The following KDM6A variants were observed in gnomAD, a reference collection of about 807,000 sequenced individuals.
KDM6A encodes lysine demethylase 6A.
A neutral mutation model predicts 117.6 loss-of-function variants in KDM6A; 11 were observed. The observed-to-expected ratio is 0.09, with a 90% CI of 0.06 to 0.15. The LOEUF (loss-of-function observed/expected upper bound fraction) is 0.15, where lower values mean the gene tolerates loss of function less well. KDM6A is among the 10% of genes least tolerant of loss of function. The pLI is 1.00. For missense variants in KDM6A, 799 were observed against 1,077.3 expected, an observed-to-expected ratio of 0.74 and a Z score of 3.62; for synonymous variants, 384 against 396.1, an observed-to-expected ratio of 0.97 and a Z score of 0.36.
chrX:44,913,087 C>T (rs2035311041), intron 2 of KDM6A, among the ~76,000 whole-genome samples: 2 of 111,704 alleles, frequency 1.8e-5, no homozygotes, highest in Non-Finnish European at 3.8e-5. Flanking sequence ...ACACATGCTA[C>T]CCCTGTAAAC....
At chrX:45,075,076 T>C (rs772750978) in intron 18 of KDM6A, among the ~76,000 whole-genome samples, 4 of 112,061 alleles carry the variant, frequency 3.6e-5, no homozygotes, top group African/African-American at 1.3e-4. Context: ...AACCATTTAC[T>C]CTACAGTAGT....
At chrX:45,045,210 T>C (rs1180022806) in intron 8 of KDM6A, among the ~76,000 whole-genome samples, 1 of 111,198 alleles carries the variant, frequency 9.0e-6, no homozygotes, top group African/African-American at 3.3e-5. Flanking sequence ...TAGGTAATAA[T>C]TCCCCATTAC....
chrX:45,042,118 G>A (rs1012577143), intron 8 of KDM6A, among the ~76,000 whole-genome samples: 1 of 109,259 alleles, frequency 9.2e-6, no homozygotes, highest in African/African-American at 3.4e-5. Flanking sequence ...CAGGCGTGGC[G>A]GCATGCGCCT....
At chrX:44,980,532 A>G (rs1019821585) in intron 4 of KDM6A, among the ~76,000 whole-genome samples, 1 of 108,026 alleles carries the variant, frequency 9.3e-6, no homozygotes, top group Non-Finnish European at 1.9e-5. Flanking sequence ...AATACTTCAT[A>G]GTTCTTATCA....
At chrX:45,003,551 T>G (rs1362004688) in intron 4 of KDM6A, among the ~76,000 whole-genome samples, 1 of 110,886 alleles carries the variant, frequency 9.0e-6, no homozygotes, top group Non-Finnish European at 1.9e-5. Flanking sequence ...GCCTCAGTGC[T>G]TTTGGGCTAT....
intron 18 of KDM6A, 47 bp downstream of exon 18, chrX:45,070,404 C>G: frequency 1.4e-5 from 16 of 1,120,446 alleles, no homozygotes; most frequent in Non-Finnish European, 1.8e-5. Flanking sequence ...GACTTACTGG[C>G]ATGATCAGAA....
At chrX:44,984,806 T>G (rs1176849517) in intron 4 of KDM6A, among the ~76,000 whole-genome samples, 8 of 111,971 alleles carry the variant, frequency 7.1e-5, no homozygotes, top group Non-Finnish European at 3.8e-5. Flanking sequence ...GCTGTTTTGG[T>G]TACTGTAGCC....
chrX:44,959,235 C>A (rs2038538031), intron 2 of KDM6A, among the ~76,000 whole-genome samples: 1 of 109,882 alleles, frequency 9.1e-6, no homozygotes, highest in African/African-American at 3.3e-5. Context: ...GTTAATCAGG[C>A]CTGAGTGTAT....
At chrX:44,973,794 ATTTAAT>A (rs1234413737) in intron 3 of KDM6A, among the ~76,000 whole-genome samples, 1 of 110,629 alleles carries the variant, frequency 9.0e-6, no homozygotes, top group Non-Finnish European at 1.9e-5. Context: ...ATTTCTTCAA[ATTTAAT>A]TTTAATCTTT....
chrX:45,040,882 A>C (rs1476093430), intron 8 of KDM6A, among the ~76,000 whole-genome samples: 9 of 47,937 alleles, frequency 1.9e-4, no homozygotes, highest in Admixed American at 4.3e-4. Flanking sequence ...TGACCCCCCC[A>C]CCTCCCTCCC....
rs2148305799 is a variant in KDM6A at position 45,110,142 on chromosome X, C to A, written c.4225C>A (p.His1409Asn). 8.3e-7 allele frequency: 1 copy of A among 1,209,897 alleles called. No homozygotes were observed. The highest frequency in any genetic ancestry group is 1.8e-5 in the South Asian group (1 of 56,955). The change falls in exon 29 of 30, where the codon CAT becomes AAT. Residue 1409 changes from histidine (H) to asparagine (N), a missense_variant. Physicochemically the swap from His to Asn is moderately conservative, Grantham distance 68 (BLOSUM62 1). This residue lies in a region of KDM6A where 291 missense variants were observed against 437.9 expected (regional missense o/e 0.66). Transcript: ENST00000611820. ...ESNSRKTYIV[H>N]CQDCARKTSG... The stretch of plus-strand genomic sequence containing the variant: ...TAATTCACGAAAGACCTACATAGTA[C>A]ATTGCCAAGATTGTGCACGAAAAAC...
chrX:44,883,988 G>C (rs780353368), intron 2 of KDM6A, among the ~76,000 whole-genome samples: 1 of 107,413 alleles, frequency 9.3e-6, no homozygotes, highest in African/African-American at 3.4e-5. Context: ...TGTAATTCCA[G>C]CTACTTGGGA....
chrX:44,979,134 C>T (rs914973503), intron 4 of KDM6A, among the ~76,000 whole-genome samples: 8 of 112,269 alleles, frequency 7.1e-5, no homozygotes, highest in African/African-American at 2.6e-4. Flanking sequence ...TTAGGTTTAA[C>T]CGTCAGACTT....
intron 2 of KDM6A, among the ~76,000 whole-genome samples, chrX:44,941,782 C>T (rs942091891): frequency 9.0e-6 from 1 of 110,681 alleles, no homozygotes; most frequent in African/African-American, 3.3e-5. Flanking sequence ...ACTGGCAATT[C>T]TGTACCAGTT....
chrX:45,081,635 C>A (rs1325832571), intron 21 of KDM6A, among the ~76,000 whole-genome samples: 1 of 111,491 alleles, frequency 9.0e-6, no homozygotes, highest in African/African-American at 3.3e-5. Flanking sequence ...GATTGGGATG[C>A]CCTAGGCCTT....
At chrX:44,911,910 G>T (rs189390971) in intron 2 of KDM6A, among the ~76,000 whole-genome samples, 1 of 105,191 alleles carries the variant, frequency 9.5e-6, no homozygotes, top group Non-Finnish European at 2.0e-5. Context: ...GCCTGCAATC[G>T]CAGGCGCTTG....
intron 2 of KDM6A, among the ~76,000 whole-genome samples, chrX:44,947,371 T>A (rs961294010): frequency 9.2e-6 from 1 of 108,391 alleles, no homozygotes; most frequent in Non-Finnish European, 1.9e-5. Context: ...TTCAGGCTTA[T>A]GGTTGTGTAA....
chrX:44,893,001 TAAAAAA>T (rs35013547), intron 2 of KDM6A, among the ~76,000 whole-genome samples: 1 of 50,227 alleles, frequency 2.0e-5, no homozygotes, highest in South Asian at 1.4e-3. Flanking sequence ...AGACTCCATC[TAAAAAA>T]AAAAAAAAAA....
intron 17 of KDM6A, among the ~76,000 whole-genome samples, chrX:45,064,784 A>C (rs1487854696): frequency 8.9e-6 from 1 of 112,029 alleles, no homozygotes; most frequent in African/African-American, 3.2e-5. Flanking sequence ...AACTGAAATA[A>C]GTTCTTTTTC....
Sources: gnomAD v4.1 joint callset for allele counts (sites outside exome capture counted in the v4.1 genomes callset) on GRCh38, gnomAD v4.1.1 for gene constraint, gnomAD v4.1.1 regional missense constraint, MANE v1.5 for transcripts, NCBI Gene and HGNC (gene_info 2026-07-23, HGNC 2026-07-21) for gene names.